The following PRKG2 variants were observed in gnomAD, a reference collection of about 807,000 sequenced individuals.
PRKG2 encodes the protein protein kinase cGMP-dependent 2, also known as cGMP-dependent protein kinase 2.
A neutral mutation model predicts 97.2 loss-of-function variants in PRKG2; 33 were observed. The observed-to-expected ratio is 0.34, with a 90% CI of 0.26 to 0.45. The LOEUF is 0.45. Ranked by LOEUF, PRKG2 falls within the 20% of genes least tolerant of loss-of-function variation. The pLI is 1.00. For synonymous variants in PRKG2, 330 were observed against 321.8 expected, an observed-to-expected ratio of 1.03 and a Z score of -0.27; for missense variants, 638 against 900.0, an observed-to-expected ratio of 0.71 and a Z score of 3.73.
rs145313149 is a variant in PRKG2, at chr4:81,200,411, T to G, written c.461+4176A>C. Among the ~76,000 whole-genome samples the G allele has an allele frequency of 3.1e-3, 476 of 152,270 alleles. 4 individuals carry two copies. The highest frequency in any genetic ancestry group is 0.011 in the African/African-American group (451 of 41,544). ...GGATCCAGAACTTAGTAGGCATCGA[T>G]GCAATGGGCCACCTCTGCTCAACTC... On this transcript the variant is annotated intron_variant, in intron 2 of 18. Coordinates refer to ENST00000264399, the MANE Select transcript of PRKG2 (RefSeq NM_006259.3).
At chr4:81,108,592 T>C (rs1017329801) in intron 15 of PRKG2, among the ~76,000 whole-genome samples, 1 of 151,804 alleles carries the variant, frequency 6.6e-6, no homozygotes, top group African/African-American at 2.4e-5. Context: ...AACAAAACAA[T>C]TGTTACAAAA....
chr4:81,106,510 A>T (rs1743357441), intron 15 of PRKG2, among the ~76,000 whole-genome samples: 1 of 152,232 alleles, frequency 6.6e-6, no homozygotes, highest in South Asian at 2.1e-4. Context: ...GAGCAGGATG[A>T]TCTAAATTAG....
chr4:81,156,138 T>C (rs1047404542), intron 6 of PRKG2, among the ~76,000 whole-genome samples: 2 of 152,062 alleles, frequency 1.3e-5, no homozygotes, highest in African/African-American at 2.4e-5. Context: ...GACTGGCAAA[T>C]TGGATAAAGA....
chr4:81,105,977 G>A (rs752002601), intron 15 of PRKG2, 42 bp from the exon 16 acceptor site: 1 of 1,565,668 alleles, frequency 6.4e-7, no homozygotes, highest in Non-Finnish European at 8.7e-7. Context: ...TAATAACAGG[G>A]TCTGAGATCA....
chr4:81,133,662 G>A (rs1021736243), intron 14 of PRKG2, among the ~76,000 whole-genome samples: 4 of 152,112 alleles, frequency 2.6e-5, no homozygotes, highest in African/African-American at 9.7e-5. Context: ...GCTAGAAATT[G>A]AAATATTTAA....
chr4:81,125,277 G>A (rs72876762), intron 14 of PRKG2, among the ~76,000 whole-genome samples: 15,323 of 152,074 alleles, frequency 0.1, 1,408 homozygotes, highest in East Asian at 0.38. Flanking sequence ...AGGCATTCCC[G>A]TTATTTCAAA....
In PRKG2 at chr4:81,101,099, C is replaced by T. The variant is rs1364141100; in HGVS notation, c.2126+3271G>A. 7.2e-5 allele frequency among the ~76,000 whole-genome samples: 11 copies of T among 151,822 alleles called. No individual in the cohort carries two copies. In the South Asian group the frequency reaches 8.3e-4, roughly 12 times the overall value. The stretch of plus-strand genomic sequence containing the variant: ...TGGAGAGGATGTGGAGAAATAGGAA[C>T]ACTTTTACACTGTTGGTGGGACTGT... On this transcript the variant is annotated intron_variant, in intron 17 of 18. Transcript: ENST00000264399.
intron 12 of PRKG2, among the ~76,000 whole-genome samples, chr4:81,138,226 G>A (rs2110032919): frequency 6.6e-6 from 1 of 152,162 alleles, no homozygotes; most frequent in Non-Finnish European, 1.5e-5. Context: ...CTGGGGGAAT[G>A]GGGGCCTCAG....
intron 2 of PRKG2, among the ~76,000 whole-genome samples, chr4:81,191,390 A>C (rs1425359115): frequency 6.6e-6 from 1 of 152,084 alleles, no homozygotes; most frequent in Non-Finnish European, 1.5e-5. Context: ...CAATGAGAGC[A>C]CATGGACTCA....
intron 11 of PRKG2, among the ~76,000 whole-genome samples, chr4:81,141,396 A>G (rs1411987417): frequency 6.6e-6 from 1 of 152,174 alleles, no homozygotes; most frequent in African/African-American, 2.4e-5. Context: ...TTAAAAATTC[A>G]GTTCCTGAGT....
intron 17 of PRKG2, among the ~76,000 whole-genome samples, chr4:81,096,240 T>G (rs1033049104): frequency 6.6e-6 from 1 of 152,186 alleles, no homozygotes; most frequent in Admixed American, 6.6e-5. Flanking sequence ...AGAGTAGAAC[T>G]TCTTTTAAAA....
intron 15 of PRKG2, among the ~76,000 whole-genome samples, chr4:81,108,798 G>A (rs1017298298): frequency 2.0e-5 from 3 of 152,162 alleles, no homozygotes; most frequent in African/African-American, 7.2e-5. Flanking sequence ...TCTGGAGGCT[G>A]AAGCAAGAGG....
At chr4:81,151,590 A>T (rs2110057253) in intron 8 of PRKG2, among the ~76,000 whole-genome samples, 1 of 152,234 alleles carries the variant, frequency 6.6e-6, no homozygotes, top group East Asian at 1.9e-4. Context: ...ATATAAAATT[A>T]TTTCGTAATT....
upstream of PRKG2, among the ~76,000 whole-genome samples, chr4:81,217,027 T>TATATATATATATATATATATATA (rs1754297403): frequency 1.0e-5 from 1 of 97,858 alleles, no homozygotes; most frequent in Non-Finnish European, 2.0e-5. Flanking sequence ...TGTGTATATA[T>TATATATATATATATATATATATA]TTTGTATATA....
intron 14 of PRKG2, among the ~76,000 whole-genome samples, chr4:81,132,827 T>A (rs1173288123): frequency 2.0e-5 from 3 of 152,216 alleles, no homozygotes; most frequent in Non-Finnish European, 4.4e-5. Flanking sequence ...TGATCCTTGC[T>A]CATTTTTTAA....
intron 2 of PRKG2, among the ~76,000 whole-genome samples, chr4:81,198,331 A>C (rs1285928555): frequency 6.6e-6 from 1 of 152,188 alleles, no homozygotes; most frequent in African/African-American, 2.4e-5. Context: ...ACAGAGGCAC[A>C]AAGGGAGACT....
chr4:81,189,629 G>A (rs1222901107), intron 2 of PRKG2, among the ~76,000 whole-genome samples: 2 of 149,806 alleles, frequency 1.3e-5, no homozygotes, highest in Admixed American at 6.6e-5. Flanking sequence ...AGGGAGTGGG[G>A]AGGGATAGCT....
chr4:81,088,692 C>T lies in PRKG2; in HGVS notation c.*1016G>A, dbSNP rs1741284132. On this transcript the variant is annotated 3_prime_UTR_variant, in exon 19 of 19. Coordinates refer to ENST00000264399, the MANE Select transcript of PRKG2 (RefSeq NM_006259.3). ...AGATGTCTTTAAAAAGCGCTATTAA[C>T]TCAGCAGTGACTACAGTGCATCAAC... 1 of 152,128 alleles carries T rather than the reference C, an allele frequency of 6.6e-6. No individual in the cohort carries two copies. Among genetic ancestry groups the T allele is most frequent in the South Asian group, 2.1e-4 (1 of 4,832 alleles). The allele number at this position is 152,128 out of a possible 1,614,324, so 9.4% of individuals were successfully genotyped here.
In PRKG2 at chr4:81,098,208, A is replaced by G. The variant is rs568018938; in HGVS notation, c.2127-5756T>C. Among the ~76,000 whole-genome samples the G allele has an allele frequency of 2.6e-5, 4 of 152,244 alleles. No homozygotes were observed. The South Asian group carries it at 8.3e-4, about 32-fold the overall frequency. On this transcript the variant is annotated intron_variant, in intron 17 of 18. Coordinates refer to ENST00000264399, the MANE Select transcript of PRKG2 (RefSeq NM_006259.3). ...CTCCCAGTCTACATCTTTCTCCTGTACTGGATGCTTCTTGCCCTCGAACAT... is the reference window on the plus strand; with the variant it reads ...CTCCCAGTCTACATCTTTCTCCTGTGCTGGATGCTTCTTGCCCTCGAACAT...
Sources: allele counts gnomAD v4.1 joint callset (sites outside exome capture counted in the v4.1 genomes callset), GRCh38; gene constraint gnomAD v4.1.1; transcripts MANE v1.5; gene names NCBI Gene and HGNC (gene_info 2026-07-23, HGNC 2026-07-21).